CNTN4: variants seen among roughly 807,000 people sequenced by gnomAD.
CNTN4 encodes the protein contactin-4.
Under a neutral mutation model 122.5 loss-of-function variants are expected in CNTN4, and 77 were observed. The observed-to-expected ratio is 0.63, with a 90% CI of 0.52 to 0.76. The LOEUF is 0.76. Ranked by LOEUF, CNTN4 falls within the 30% of genes least tolerant of loss-of-function variation. The pLI is 0.00. For missense variants in CNTN4, 1,256 were observed against 1,259.1 expected (o/e 1.00, Z 0.04); for synonymous variants, 512 against 447.0 (o/e 1.15, Z -1.83).
intron 6 of CNTN4, among the ~76,000 whole-genome samples, chr3:2,769,956 A>G (rs1288897838): frequency 2.0e-5 from 3 of 151,896 alleles, no homozygotes; most frequent in Non-Finnish European, 4.4e-5. Flanking sequence ...TGGTTAGATT[A>G]GTTATGTCCT....
At chr3:2,177,089 G>T (rs1039688424) in intron 2 of CNTN4, among the ~76,000 whole-genome samples, 2 of 152,072 alleles carry the variant, frequency 1.3e-5, no homozygotes, top group East Asian at 3.9e-4. Flanking sequence ...GTTAAATGCG[G>T]ATGAAAGCAG....
At chr3:2,287,641 A>C in intron 2 of CNTN4, among the ~76,000 whole-genome samples, 1 of 26,668 alleles carries the variant, frequency 3.7e-5, no homozygotes, top group Non-Finnish European at 7.9e-5. Flanking sequence ...GGAGAAGAAG[A>C]AGAAGAAGAA....
intron 4 of CNTN4, among the ~76,000 whole-genome samples, chr3:2,654,360 TATC>T (rs1313213027): frequency 6.6e-6 from 1 of 152,220 alleles, no homozygotes; most frequent in Non-Finnish European, 1.5e-5. Context: ...AAGGGAATGT[TATC>T]ATTTTAATTA....
intron 4 of CNTN4, among the ~76,000 whole-genome samples, chr3:2,620,406 A>C (rs1258130683): frequency 6.6e-6 from 1 of 152,140 alleles, no homozygotes; most frequent in African/African-American, 2.4e-5. Flanking sequence ...AGGCTAAGGT[A>C]GGAGGATCAC....
At chr3:2,355,622 G>T (rs184974471) in intron 3 of CNTN4, among the ~76,000 whole-genome samples, 1 of 151,954 alleles carries the variant, frequency 6.6e-6, no homozygotes. Context: ...AACCCCTGAA[G>T]GTATTTTCTT....
intron 6 of CNTN4, among the ~76,000 whole-genome samples, chr3:2,783,420 A>G (rs1436244869): frequency 1.3e-5 from 2 of 152,158 alleles, no homozygotes; most frequent in Non-Finnish European, 2.9e-5. Context: ...CACTATACCT[A>G]TTGTTTTCAC....
intron 4 of CNTN4, among the ~76,000 whole-genome samples, chr3:2,695,243 T>C (rs557824815): frequency 1.3e-5 from 2 of 152,178 alleles, no homozygotes; most frequent in Admixed American, 6.5e-5. Flanking sequence ...AGCCTTCTGA[T>C]TGCAGATAAC....
At chr3:2,329,842 G>A (rs1364841702) in intron 2 of CNTN4, among the ~76,000 whole-genome samples, 1 of 152,096 alleles carries the variant, frequency 6.6e-6, no homozygotes, top group Non-Finnish European at 1.5e-5. Context: ...AGGCTGTAAA[G>A]GAACAAACAA....
intron 6 of CNTN4, among the ~76,000 whole-genome samples, chr3:2,783,173 T>C (rs1441962861): frequency 6.6e-6 from 1 of 151,628 alleles, no homozygotes; most frequent in Non-Finnish European, 1.5e-5. Flanking sequence ...TCTGTAGTCC[T>C]AGCTACTCAG....
At chr3:2,747,128 G>C (rs1486191771) in intron 6 of CNTN4, among the ~76,000 whole-genome samples, 1 of 151,434 alleles carries the variant, frequency 6.6e-6, no homozygotes, top group Non-Finnish European at 1.5e-5. Flanking sequence ...TATTGTATCT[G>C]GGCCAGCGCG....
intron 2 of CNTN4, among the ~76,000 whole-genome samples, chr3:2,116,881 T>C (rs7429981): frequency 0.21 from 32,634 of 152,114 alleles, 3,515 homozygotes; most frequent in South Asian, 0.3. Context: ...GGGTGGGTTC[T>C]GTGTGGGAGA....
intron 6 of CNTN4, among the ~76,000 whole-genome samples, chr3:2,782,465 C>CTGTGTGTGTGTGTGTGTGTGTG (rs137927481): frequency 2.3e-5 from 3 of 133,212 alleles, no homozygotes; most frequent in African/African-American, 5.7e-5. Context: ...CCTTCTTATT[C>CTGTGTGTGTGTGTGTGTGTGTG]TGTGTGTGTG....
chr3:2,604,495 T>C lies in CNTN4; in HGVS notation c.55+32937T>C, dbSNP rs184133598. Among the ~76,000 whole-genome samples, 621 of 152,282 alleles carry C rather than the reference T, an allele frequency of 4.1e-3. 4 individuals carry two copies. The highest frequency in any genetic ancestry group is 0.014 in the African/African-American group (590 of 41,560). The stretch of plus-strand genomic sequence containing the variant: ...AATCAGCAAAATAGATACATATCTA[T>C]GTAATATTTCAGTTGGTAAAAAGTG... On this transcript the variant is annotated intron_variant, in intron 4 of 24. Transcript: ENST00000418658.
chr3:2,868,722 G>A (rs1431823461), intron 8 of CNTN4, among the ~76,000 whole-genome samples: 1 of 152,154 alleles, frequency 6.6e-6, no homozygotes. Flanking sequence ...CTGGTGAACA[G>A]GAGGCTCTTG....
intron 6 of CNTN4, among the ~76,000 whole-genome samples, chr3:2,782,188 T>A (rs549224646): frequency 1.3e-5 from 2 of 151,894 alleles, no homozygotes; most frequent in South Asian, 4.2e-4. Flanking sequence ...ATAAAGAGTA[T>A]AAAGAGGCAT....
chr3:2,285,810 G>T (rs1453860048), intron 2 of CNTN4, among the ~76,000 whole-genome samples: 3 of 151,888 alleles, frequency 2.0e-5, no homozygotes, highest in African/African-American at 7.2e-5. Flanking sequence ...ACTGTTTTAT[G>T]GCCTGTATTT....
At chr3:2,708,471 T>A (rs896213276) in intron 4 of CNTN4, among the ~76,000 whole-genome samples, 1 of 152,204 alleles carries the variant, frequency 6.6e-6, no homozygotes, top group Non-Finnish European at 1.5e-5. Flanking sequence ...TCTCTAGATT[T>A]TAGAGAATTA....
At chr3:2,715,005 T>C (rs1480269935) in intron 4 of CNTN4, among the ~76,000 whole-genome samples, 1 of 152,212 alleles carries the variant, frequency 6.6e-6, no homozygotes, top group African/African-American at 2.4e-5. Flanking sequence ...CTTTATCAAC[T>C]CCAATTAGAC....
intron 6 of CNTN4, among the ~76,000 whole-genome samples, chr3:2,794,695 T>G (rs936754543): frequency 1.3e-5 from 2 of 152,222 alleles, no homozygotes; most frequent in East Asian, 3.9e-4. Flanking sequence ...CCATTCTGTT[T>G]AGGCTGCTGT....
Sources: gnomAD v4.1 joint callset for allele counts (sites outside exome capture counted in the v4.1 genomes callset) on GRCh38, gnomAD v4.1.1 for gene constraint, MANE v1.5 for transcripts, NCBI Gene and HGNC (gene_info 2026-07-23, HGNC 2026-07-21) for gene names.